Variants in MDGA2 observed in about 807,000 individuals in gnomAD.
The protein encoded by MDGA2 is MAM domain-containing glycosylphosphatidylinositol anchor protein 2.
A neutral mutation model predicts 117.8 loss-of-function variants in MDGA2; 40 were observed. The observed-to-expected ratio is 0.34, with a 90% CI of 0.26 to 0.44. MDGA2 has a LOEUF of 0.44. Among genes scored for constraint, MDGA2 ranks in the 20% least tolerant of loss-of-function variants. MDGA2 has a pLI of 1.00. For missense variants in MDGA2, 1,123 were observed against 1,250.6 expected, an observed-to-expected ratio of 0.90 and a Z score of 1.54; for synonymous variants, 452 against 439.0, an observed-to-expected ratio of 1.03 and a Z score of -0.37.
intron 1 of MDGA2, among the ~76,000 whole-genome samples, chr14:47,324,588 T>C (rs73251837): frequency 0.04 from 6,146 of 152,272 alleles, 169 homozygotes; most frequent in African/African-American, 0.076. Flanking sequence ...TTCATATTTA[T>C]TTCCCATCTT....
intron 1 of MDGA2, among the ~76,000 whole-genome samples, chr14:47,446,440 A>G (rs978561683): frequency 6.6e-6 from 1 of 152,000 alleles, no homozygotes; most frequent in Non-Finnish European, 1.5e-5. Flanking sequence ...GCTACAGCTT[A>G]AACAGTCATA....
intron 2 of MDGA2, among the ~76,000 whole-genome samples, chr14:47,282,989 G>A (rs72680277): frequency 6.6e-6 from 1 of 152,052 alleles, no homozygotes; most frequent in Non-Finnish European, 1.5e-5. Context: ...AAATGGAAAG[G>A]CAGTGAAAAT....
intron 3 of MDGA2, among the ~76,000 whole-genome samples, chr14:47,170,114 T>G (rs1884059095): frequency 6.6e-6 from 1 of 152,146 alleles, no homozygotes; most frequent in Non-Finnish European, 1.5e-5. Flanking sequence ...CTCTTCTGAC[T>G]AGACAAAATA....
At chr14:47,246,815 A>ACACC (rs1419111360) in intron 2 of MDGA2, among the ~76,000 whole-genome samples, 3 of 150,752 alleles carry the variant, frequency 2.0e-5, no homozygotes, top group Non-Finnish European at 3.0e-5. Context: ...ACACACACAC[A>ACACC]CACACACACA....
At chr14:46,932,531 A>G (rs985189243) in intron 9 of MDGA2, among the ~76,000 whole-genome samples, 1 of 152,158 alleles carries the variant, frequency 6.6e-6, no homozygotes, top group Non-Finnish European at 1.5e-5. Flanking sequence ...ATCTAGTTTT[A>G]TAACCTTTCC....
At chr14:47,102,698 C>T (rs1880409979) in intron 5 of MDGA2, among the ~76,000 whole-genome samples, 1 of 152,192 alleles carries the variant, frequency 6.6e-6, no homozygotes, top group Admixed American at 6.5e-5. Flanking sequence ...ATCTAAAGAA[C>T]AAGGAGCCTG....
At chr14:47,626,216 GGTTTTTTT>G (rs1897136510) in intron 1 of MDGA2, 1 of 152,044 alleles carries the variant, frequency 6.6e-6, no homozygotes, top group South Asian at 2.1e-4. Flanking sequence ...TTGATTTTTT[GGTTTTTTT>G]GTTTTGGTAA....
At chr14:47,342,711 G>T (rs965908985) in intron 1 of MDGA2, among the ~76,000 whole-genome samples, 2 of 152,110 alleles carry the variant, frequency 1.3e-5, no homozygotes, top group Non-Finnish European at 2.9e-5. Context: ...TTTCAGGTAG[G>T]CCTACAGTCT....
chr14:46,934,768 G>A (rs1393109873), intron 9 of MDGA2, among the ~76,000 whole-genome samples: 1 of 152,042 alleles, frequency 6.6e-6, no homozygotes, highest in Non-Finnish European at 1.5e-5. Flanking sequence ...AACGCAGAAA[G>A]AACACAAACC....
At chr14:47,673,515 A>G (rs1898112317) in intron 1 of MDGA2, among the ~76,000 whole-genome samples, 1 of 152,076 alleles carries the variant, frequency 6.6e-6, no homozygotes, top group South Asian at 2.1e-4. Context: ...TGTCCCCTCA[A>G]GGGGTGCACC....
intron 1 of MDGA2, among the ~76,000 whole-genome samples, chr14:47,597,950 A>T (rs1452052880): frequency 6.6e-6 from 1 of 152,008 alleles, no homozygotes; most frequent in Non-Finnish European, 1.5e-5. Flanking sequence ...TGATTGATTA[A>T]GACATTGAGC....
chr14:47,017,694 A>C (rs1888134185), intron 8 of MDGA2, among the ~76,000 whole-genome samples: 1 of 152,082 alleles, frequency 6.6e-6, no homozygotes, highest in Non-Finnish European at 1.5e-5. Flanking sequence ...GCCCTCATTT[A>C]TTAGACAGAT....
chr14:46,932,387 T>A (rs1002265736), intron 9 of MDGA2, among the ~76,000 whole-genome samples: 1 of 152,082 alleles, frequency 6.6e-6, no homozygotes, highest in Non-Finnish European at 1.5e-5. Context: ...AGATACTTTT[T>A]AAATGTTTAG....
chr14:47,504,394 A>G (rs1290068165), intron 1 of MDGA2, among the ~76,000 whole-genome samples: 1 of 151,984 alleles, frequency 6.6e-6, no homozygotes, highest in African/African-American at 2.4e-5. Flanking sequence ...AATTTTACAT[A>G]TACATATATT....
At chr14:47,401,341 T>G (rs1048448572) in intron 1 of MDGA2, among the ~76,000 whole-genome samples, 3 of 152,082 alleles carry the variant, frequency 2.0e-5, no homozygotes, top group Non-Finnish European at 4.4e-5. Context: ...AAAAAAGACT[T>G]TGAAAGCTTA....
chr14:47,431,715 T>G (rs1033275705), intron 1 of MDGA2, among the ~76,000 whole-genome samples: 4 of 152,052 alleles, frequency 2.6e-5, no homozygotes, highest in Admixed American at 2.6e-4. Flanking sequence ...ACGGCACACA[T>G]TTTTGTAACT....
At chr14:47,180,054 G>T (rs1438369254) in intron 3 of MDGA2, among the ~76,000 whole-genome samples, 3 of 151,818 alleles carry the variant, frequency 2.0e-5, no homozygotes, top group Admixed American at 2.0e-4. Flanking sequence ...TTTGAGTTCA[G>T]GAGTAAAGAT....
intron 1 of MDGA2, among the ~76,000 whole-genome samples, chr14:47,303,503 C>T (rs1254373431): frequency 6.6e-6 from 1 of 152,084 alleles, no homozygotes; most frequent in Non-Finnish European, 1.5e-5. Flanking sequence ...ATATGTTTCA[C>T]ACCACATTTC....
intron 1 of MDGA2, among the ~76,000 whole-genome samples, chr14:47,467,100 C>G (rs1279991239): frequency 6.6e-6 from 1 of 152,032 alleles, no homozygotes; most frequent in Non-Finnish European, 1.5e-5. Context: ...GAACCAGAAT[C>G]ATAAATTACT....
Sources: gnomAD v4.1 joint callset for allele counts (sites outside exome capture counted in the v4.1 genomes callset) on GRCh38, gnomAD v4.1.1 for gene constraint, MANE v1.5 for transcripts, NCBI Gene and HGNC (gene_info 2026-07-23, HGNC 2026-07-21) for gene names.